The following TRAF2 variants were observed in gnomAD, a reference collection of about 807,000 sequenced individuals.
TRAF2 encodes the protein TNF receptor associated factor 2, also known as TNF receptor-associated factor 2.
In TRAF2, 6 loss-of-function variants were observed where a neutral mutation model predicts 55.6. The ratio of observed to expected loss-of-function variants is 0.11; its 90% confidence interval spans 0.06 to 0.21. The LOEUF (loss-of-function observed/expected upper bound fraction) is 0.21, where lower values mean the gene tolerates loss of function less well. TRAF2 is among the 10% of genes least tolerant of loss of function. TRAF2 has a pLI of 1.00. For missense variants in TRAF2, 561 were observed against 684.5 expected (o/e 0.82, Z 2.01); for synonymous variants, 329 against 276.3 (o/e 1.19, Z -1.89).
chr9:136,915,986 G>A (rs1022823913), intron 6 of TRAF2, among the ~76,000 whole-genome samples: 9 of 152,142 alleles, frequency 5.9e-5, no homozygotes, highest in Non-Finnish European at 1.3e-4. Context: ...GGAGGAACTT[G>A]GGGTTCATGT....
intron 1 of TRAF2, among the ~76,000 whole-genome samples, chr9:136,889,027 G>A (rs1849516742): frequency 1.3e-5 from 2 of 152,022 alleles, no homozygotes; most frequent in African/African-American, 2.4e-5. Flanking sequence ...ACCACGCCCA[G>A]CTAATTTTTT....
intron 1 of TRAF2, among the ~76,000 whole-genome samples, chr9:136,888,961 G>C (rs1357310168): frequency 6.6e-6 from 1 of 152,036 alleles, no homozygotes; most frequent in Admixed American, 6.6e-5. Context: ...TGCCTCCTGG[G>C]TTCACGCTAT....
rs369765173 is a variant in TRAF2 at position 136,913,295 on chromosome 9, A to ATTTTTTTTTT, written c.604-3233_604-3224dup. 7.1e-4 allele frequency among the ~76,000 whole-genome samples: 62 copies of ATTTTTTTTTT among 87,080 alleles called. 3 individuals are homozygous for ATTTTTTTTTT. The highest frequency in any genetic ancestry group is 1.5e-3 in the African/African-American group (30 of 19,938). 57.1% of individuals were successfully genotyped at this position (87,080 alleles called of 152,430 possible). On this transcript the variant is annotated intron_variant, in intron 6 of 10. Coordinates refer to ENST00000247668, the MANE Select transcript of TRAF2 (RefSeq NM_021138.4). ...CATACCATGTTCTTATTATAAAGGA[A>ATTTTTTTTTT]TTTTTTTTTTTTTTTTTTTTTTGAG...
At chr9:136,922,808 G>T (rs1380277870) in intron 9 of TRAF2, among the ~76,000 whole-genome samples, 1 of 135,940 alleles carries the variant, frequency 7.4e-6, no homozygotes, top group Non-Finnish European at 1.6e-5. Context: ...TGTGGAGGAC[G>T]AGGATGGGGA....
At chr9:136,916,977 C>T (rs1471501587) in intron 7 of TRAF2, among the ~76,000 whole-genome samples, 1 of 152,192 alleles carries the variant, frequency 6.6e-6, no homozygotes, top group South Asian at 2.1e-4. Flanking sequence ...CCATCTCACA[C>T]AGAAAAGGGC....
intron 8 of TRAF2, 118 bp downstream of exon 8, chr9:136,920,633 A>G: frequency 7.5e-7 from 1 of 1,325,286 alleles, no homozygotes; most frequent in Non-Finnish European, 1.0e-6. Flanking sequence ...GTAGAACTCC[A>G]TCTGCAAACC....
intron 6 of TRAF2, among the ~76,000 whole-genome samples, chr9:136,915,127 T>C (rs774126457): frequency 2.6e-5 from 4 of 152,050 alleles, no homozygotes; most frequent in African/African-American, 4.8e-5. Flanking sequence ...TGCGGTGAGC[T>C]GAAATCATGC....
At chr9:136,924,095 G>T in intron 10 of TRAF2, 95 bp downstream of exon 10, 1 of 1,459,486 alleles carries the variant, frequency 6.9e-7, no homozygotes, top group Non-Finnish European at 9.2e-7. Context: ...GGACAAGGTG[G>T]CTTGGGCTCG....
chr9:136,908,494 G>A (rs903648291), intron 5 of TRAF2, among the ~76,000 whole-genome samples: 45 of 152,232 alleles, frequency 3.0e-4, no homozygotes, highest in African/African-American at 1.0e-3. Context: ...AGGCTGAGGC[G>A]GGCGGATCAC....
rs184559813 is a variant in TRAF2, at chr9:136,890,171, C to T, written c.-29+3630C>T. On this transcript the variant is annotated intron_variant, in intron 1 of 10. Coordinates refer to ENST00000247668, the MANE Select transcript of TRAF2 (RefSeq NM_021138.4). ...TCACCGTGTGTGTGAGAGTCCCCAC[C>T]GCACGCTCGTTCAGTCGGTCACCGC... 2.1e-3 allele frequency among the ~76,000 whole-genome samples: 319 copies of T among 149,804 alleles called. 5 individuals carry two copies. In the South Asian group the frequency reaches 0.034, roughly 16 times the overall value.
chr9:136,919,253 G>A (rs1376767230), intron 7 of TRAF2, among the ~76,000 whole-genome samples: 1 of 143,176 alleles, frequency 7.0e-6, no homozygotes, highest in African/African-American at 2.6e-5. Flanking sequence ...TAGAGACAGG[G>A]TTTCACCATG....
intron 4 of TRAF2, among the ~76,000 whole-genome samples, chr9:136,907,438 C>T (rs1849980917): frequency 6.6e-6 from 1 of 152,266 alleles, no homozygotes; most frequent in African/African-American, 2.4e-5. Context: ...TGGCCCTCGC[C>T]TGTCTTCCTC....
chr9:136,920,601 G>A (rs10781522), intron 8 of TRAF2, 86 bp downstream of exon 8: 892,075 of 1,463,100 alleles, frequency 0.61, 274,169 homozygotes, highest in East Asian at 0.74. Flanking sequence ...AGCAGGTCCT[G>A]GAGCTTTAGA....
In TRAF2 at chr9:136,908,134, G is replaced by A. The variant is rs377582627; in HGVS notation, c.431G>A (p.Arg144His). Residue 144 changes from arginine (R) to histidine (H), a missense_variant, in exon 5 of 11, where the codon CGC becomes CAC. Physicochemically the swap from Arg to His is conservative, Grantham distance 29 (BLOSUM62 0). Around this residue, in one of 2 missense-constraint regions of TRAF2, gnomAD observed 426 missense variants for 476.8 expected, o/e 0.89. Transcript: ENST00000247668. ...TECPACKGLV[R>H]LGEKERHLEH... ...TGTCCCGCGTGCAAAGGCCTGGTCC[G>A]CCTTGGTGAAAAGGAGCGCCACCTG... 115 of 1,605,404 alleles carry A rather than the reference G, an allele frequency of 7.2e-5. No individual in the cohort carries two copies. The highest frequency in any genetic ancestry group is 8.7e-5 in the Non-Finnish European group (103 of 1,179,940).
Position 136,916,622 on chromosome 9 carries a change from C to CG in TRAF2, c.678+13dup. On this transcript the variant is annotated splice_region_variant and intron_variant, in intron 7 of 10. Coordinates refer to ENST00000247668, the MANE Select transcript of TRAF2 (RefSeq NM_021138.4). ...CATCGGCTGCCTCGAGACGGTGAGT[C>CG]GGGGGGTCTGAGGTTGGGGGCCACC... 3 of 1,613,508 alleles carry CG rather than the reference C, an allele frequency of 1.9e-6. No individual in the cohort carries two copies. Among genetic ancestry groups the CG allele is most frequent in the Non-Finnish European group, 2.5e-6 (3 of 1,179,848 alleles).
At chr9:136,908,268 C>A in intron 5 of TRAF2, 37 bp downstream of exon 5, 1 of 1,521,842 alleles carries the variant, frequency 6.6e-7, no homozygotes, top group Non-Finnish European at 8.8e-7. Flanking sequence ...GTGGCTGCAG[C>A]CATGCGGGGC....
chr9:136,920,894 T>TTG (rs1183231033), intron 8 of TRAF2, 144 bp from the exon 9 acceptor site: 2 of 1,032,300 alleles, frequency 1.9e-6, no homozygotes, highest in Non-Finnish European at 2.8e-6. Flanking sequence ...GGTTGGGTTC[T>TTG]TGTGTGCAGG....
At chr9:136,924,975 G>A (rs1231156954) in intron 10 of TRAF2, among the ~76,000 whole-genome samples, 2 of 152,232 alleles carry the variant, frequency 1.3e-5, no homozygotes, top group Non-Finnish European at 2.9e-5. Context: ...CTGACCTTGT[G>A]ATCCGCCCAC....
In TRAF2 at chr9:136,926,296, G is replaced by A. The variant is rs1388253022; in HGVS notation, c.*395G>A. 1.6e-4 allele frequency: 59 copies of A among 358,586 alleles called. No individual in the cohort carries two copies. The highest frequency in any genetic ancestry group is 1.1e-3 in the South Asian group (49 of 45,506). 22.2% of individuals were successfully genotyped at this position (358,586 alleles called of 1,614,324 possible). ...CACAGTGGATGGCCTTGTGTCCCTC[G>A]GGCATGACAGGCAGAAACGAGGGCT... On this transcript the variant is annotated 3_prime_UTR_variant, in exon 11 of 11. Transcript: ENST00000247668.
Sources: allele counts gnomAD v4.1 joint callset (sites outside exome capture counted in the v4.1 genomes callset), GRCh38; gene constraint gnomAD v4.1.1; regional missense constraint gnomAD v4.1.1; transcripts MANE v1.5; gene names NCBI Gene and HGNC (gene_info 2026-07-23, HGNC 2026-07-21).